Variants in LPIN2 observed in about 807,000 individuals in gnomAD.
The protein encoded by LPIN2 is lipin 2, also known as phosphatidate phosphatase LPIN2.
Under a neutral mutation model 111.4 loss-of-function variants are expected in LPIN2, and 55 were observed. The observed-to-expected ratio is 0.49, with a 90% CI of 0.40 to 0.62. LPIN2 has a LOEUF of 0.62. Among genes scored for constraint, LPIN2 ranks in the 20% least tolerant of loss-of-function variants. The probability of loss-of-function intolerance (pLI) is 0.00; values close to 1 mark genes in which losing one functional copy is unlikely to be tolerated. For missense variants in LPIN2, 992 were observed against 1,112.1 expected (o/e 0.89, Z 1.54); for synonymous variants, 425 against 414.0 (o/e 1.03, Z -0.32).
At chr18:2,936,019 A>G (rs997936547) in intron 7 of LPIN2, among the ~76,000 whole-genome samples, 1 of 152,208 alleles carries the variant, frequency 6.6e-6, no homozygotes, top group Non-Finnish European at 1.5e-5. Context: ...TTAGAGCATA[A>G]CAAGTGGCTA....
intron 1 of LPIN2, among the ~76,000 whole-genome samples, chr18:3,005,636 C>T (rs1234135395): frequency 6.6e-6 from 1 of 151,588 alleles, no homozygotes; most frequent in African/African-American, 2.4e-5. Flanking sequence ...GAAATCGTGC[C>T]ACTGTACTCC....
intron 1 of LPIN2, among the ~76,000 whole-genome samples, chr18:2,972,719 C>T (rs1051236434): frequency 2.0e-5 from 3 of 152,200 alleles, no homozygotes; most frequent in Admixed American, 1.3e-4. Context: ...TCCTCAGCCC[C>T]GACAACATTC....
At chr18:2,978,259 T>C (rs915407853) in intron 1 of LPIN2, among the ~76,000 whole-genome samples, 4 of 152,076 alleles carry the variant, frequency 2.6e-5, no homozygotes, top group African/African-American at 9.7e-5. Flanking sequence ...ATTCTCAAAG[T>C]ATTTTCCCCA....
chr18:3,004,645 C>T (rs1391133016), intron 1 of LPIN2, among the ~76,000 whole-genome samples: 5 of 152,158 alleles, frequency 3.3e-5, no homozygotes, highest in East Asian at 1.9e-4. Flanking sequence ...GAAGAAGGCA[C>T]CATGTTGGAT....
At position 2,926,756 on chromosome 18, in the gene LPIN2, A is replaced by G. The variant is rs767658356; in HGVS notation, c.1760T>C (p.Leu587Pro). The G allele has an allele frequency of 1.3e-5, 21 of 1,613,740 alleles. No individual in the cohort carries two copies. The highest frequency in any genetic ancestry group is 1.6e-5 in the Non-Finnish European group (19 of 1,180,006). ...GKSEAPPASDLPSSSKEPAGA... is the reference protein window; with the variant it reads ...GKSEAPPASDPPSSSKEPAGA... ...GGCCGGCTCCTTGGAGCTGGATGGC[A>G]GGTCACTGGCTGGCGGTGCCTCAGA... Residue 587 changes from leucine to proline, a missense_variant, in exon 13 of 20, where the codon CTG becomes CCG. Physicochemically the swap from Leu to Pro is moderately conservative, Grantham distance 98. Around this residue, in one of 4 missense-constraint regions of LPIN2, gnomAD observed 709 missense variants for 753.2 expected, o/e 0.94. Coordinates refer to ENST00000677752, the MANE Select transcript of LPIN2 (RefSeq NM_001375808.2).
At chr18:2,961,036 C>A (rs2077704422) in intron 1 of LPIN2, among the ~76,000 whole-genome samples, 187 bp from the exon 2 acceptor site, 1 of 152,110 alleles carries the variant, frequency 6.6e-6, no homozygotes. Context: ...ACACGGACCT[C>A]CCGAGACTAT....
intron 9 of LPIN2, among the ~76,000 whole-genome samples, chr18:2,931,015 C>CTTAAT: frequency 6.6e-6 from 1 of 152,314 alleles, no homozygotes; most frequent in East Asian, 1.9e-4. Context: ...TGATAACTCC[C>CTTAAT]AACCTCTTAA....
intron 1 of LPIN2, chr18:2,982,669 A>T (rs2078129738): frequency 7.7e-7 from 1 of 1,295,304 alleles, no homozygotes. Context: ...GTAACTCACC[A>T]AGATACCAGG....
At chr18:2,966,637 G>A (rs778754739) in intron 1 of LPIN2, among the ~76,000 whole-genome samples, 1 of 152,136 alleles carries the variant, frequency 6.6e-6, no homozygotes. Context: ...TACTGCAAGT[G>A]GGCTGCTTTC....
intron 1 of LPIN2, among the ~76,000 whole-genome samples, chr18:2,993,834 CCT>C (rs2078302123): frequency 6.6e-6 from 1 of 152,094 alleles, no homozygotes; most frequent in African/African-American, 2.4e-5. Flanking sequence ...TGCAATATAC[CCT>C]CTTTACAGAA....
chr18:2,925,181 T>TA lies in LPIN2; in HGVS notation c.1938+42dup, dbSNP rs1173160216. ...GATGTGCATCAAATTAAACCATTAC[T>TA]AAAATAAGTCCTACTGGACAACACA... On this transcript the variant is annotated intron_variant, in intron 14 of 19. Transcript: ENST00000677752. This position sits in a 1 kb window ranked among gnomAD's most constrained non-coding sequence, Gnocchi z 4.1. The TA allele has an allele frequency of 6.2e-7, 1 of 1,612,482 alleles. No individual in the cohort carries two copies. Among genetic ancestry groups the TA allele is most frequent in the African/African-American group, 1.3e-5 (1 of 74,892 alleles).
At chr18:2,964,305 A>AAAAAAAAAG (rs397830467) in intron 1 of LPIN2, among the ~76,000 whole-genome samples, 1 of 150,498 alleles carries the variant, frequency 6.6e-6, no homozygotes, top group Admixed American at 6.6e-5. Context: ...AAAAAAAAAA[A>AAAAAAAAAG]GAAATGAGGG....
intron 4 of LPIN2, chr18:2,946,233 C>T (rs2143054388): frequency 6.4e-7 from 1 of 1,570,446 alleles, no homozygotes; most frequent in East Asian, 2.2e-5. Context: ...ATCGCGTCTA[C>T]TGTCTTAGGG....
At chr18:2,958,158 C>CAAAAAAA (rs1555678271) in intron 2 of LPIN2, among the ~76,000 whole-genome samples, 17 of 35,344 alleles carry the variant, frequency 4.8e-4, no homozygotes, top group East Asian at 1.6e-3. Context: ...AAAAAAAAAA[C>CAAAAAAA]AACAAAAAAA....
At chr18:2,934,672 T>A (rs1598536112) in intron 7 of LPIN2, among the ~76,000 whole-genome samples, 1 of 152,346 alleles carries the variant, frequency 6.6e-6, no homozygotes, top group Admixed American at 6.5e-5. Context: ...TTTTACTCAT[T>A]CTCTCATTTG....
At chr18:2,974,367 C>A (rs1272952802) in intron 1 of LPIN2, among the ~76,000 whole-genome samples, 1 of 152,210 alleles carries the variant, frequency 6.6e-6, no homozygotes, top group African/African-American at 2.4e-5. Context: ...GCGTGAGCCA[C>A]CGCGCCTGGG....
chr18:2,977,299 C>A (rs531728486), intron 1 of LPIN2: 2 of 152,040 alleles, frequency 1.3e-5, no homozygotes, highest in Admixed American at 1.3e-4. Context: ...TTGGAGGTCT[C>A]GGTATGAACC....
chr18:2,990,312 C>T (rs757176115), intron 1 of LPIN2, among the ~76,000 whole-genome samples: 18 of 152,032 alleles, frequency 1.2e-4, no homozygotes, highest in Non-Finnish European at 2.2e-4. Flanking sequence ...AATTGGATTT[C>T]ACTAAAAGTA....
At chr18:2,967,395 G>GA (rs947058377) in intron 1 of LPIN2, among the ~76,000 whole-genome samples, 5 of 152,174 alleles carry the variant, frequency 3.3e-5, no homozygotes, top group Admixed American at 6.5e-5. Context: ...ATCTGGGGGG[G>GA]ATTCTGGATG....
Sources: allele counts gnomAD v4.1 joint callset (sites outside exome capture counted in the v4.1 genomes callset), GRCh38; gene constraint gnomAD v4.1.1; regional missense constraint gnomAD v4.1.1; non-coding constraint Gnocchi (gnomAD v3.1); transcripts MANE v1.5; gene names NCBI Gene and HGNC (gene_info 2026-07-23, HGNC 2026-07-21).